IGSF11: variants seen among roughly 807,000 people sequenced by gnomAD.
IGSF11 encodes the protein immunoglobulin superfamily member 11.
IGSF11 carries 22 observed loss-of-function variants against 41.0 expected under a neutral mutation model. The observed-to-expected ratio is 0.54, with a 90% CI of 0.38 to 0.77. IGSF11 has a LOEUF of 0.77. IGSF11 is among the 30% of genes least tolerant of loss of function. The pLI, the probability that IGSF11 is intolerant of heterozygous loss-of-function variation, is 0.00. For missense variants in IGSF11, 444 were observed against 530.8 expected (o/e 0.84, Z 1.61); for synonymous variants, 219 against 201.3 (o/e 1.09, Z -0.74).
chr3:119,140,966 C>T, intron 1 of IGSF11, among the ~76,000 whole-genome samples: 1 of 149,758 alleles, frequency 6.7e-6, no homozygotes, highest in East Asian at 2.0e-4. Context: ...ATTGCTTGAC[C>T]CAGGAGGCAG....
intron 1 of IGSF11, among the ~76,000 whole-genome samples, chr3:118,978,426 C>G (rs1288155528): frequency 6.6e-6 from 1 of 152,190 alleles, no homozygotes; most frequent in East Asian, 1.9e-4. Flanking sequence ...CTTCCACCCA[C>G]ACAGCCCACC....
At chr3:119,081,841 T>C (rs2076592078) in intron 1 of IGSF11, among the ~76,000 whole-genome samples, 1 of 152,142 alleles carries the variant, frequency 6.6e-6, no homozygotes, top group African/African-American at 2.4e-5. Context: ...ATTTATGAAA[T>C]ATATTTAGGG....
intron 1 of IGSF11, among the ~76,000 whole-genome samples, chr3:118,941,674 C>G (rs1016924169): frequency 3.3e-5 from 5 of 152,078 alleles, no homozygotes; most frequent in Non-Finnish European, 7.4e-5. Flanking sequence ...TGCAAATGTT[C>G]ACTGCATCTT....
chr3:118,913,576 G>A lies in IGSF11; in HGVS notation c.581-7858C>T, dbSNP rs139675839. Reference sequence around the variant, plus strand: ...CACTAAACTGCATTAAAGAGTGTAGGGAAAAAAGATATTTTCAGAAAAACA... The same window carrying A: ...CACTAAACTGCATTAAAGAGTGTAGAGAAAAAAGATATTTTCAGAAAAACA... On this transcript the variant is annotated intron_variant, in intron 4 of 6. Transcript: ENST00000393775. Among the ~76,000 whole-genome samples the A allele has an allele frequency of 1.3e-4, 20 of 152,070 alleles. No homozygotes were observed. In the East Asian group the frequency reaches 3.9e-3, roughly 29 times the overall value.
chr3:118,974,566 G>A (rs1186355329), intron 1 of IGSF11, among the ~76,000 whole-genome samples: 1 of 152,208 alleles, frequency 6.6e-6, no homozygotes, highest in Non-Finnish European at 1.5e-5. Flanking sequence ...GAATCCTACA[G>A]TGGTTTAGCA....
At chr3:119,034,497 GC>G in intron 1 of IGSF11, 33 bp downstream of exon 1, 1 of 1,529,970 alleles carries the variant, frequency 6.5e-7, no homozygotes, top group Non-Finnish European at 8.8e-7. Flanking sequence ...ACCCGGCCTG[GC>G]CCCACCGGGA....
intron 1 of IGSF11, among the ~76,000 whole-genome samples, chr3:119,044,001 G>C (rs774805322): frequency 5.3e-5 from 8 of 152,036 alleles, no homozygotes; most frequent in African/African-American, 1.9e-4. Flanking sequence ...ACAAAACAAG[G>C]TTCTATTAAC....
intron 1 of IGSF11, among the ~76,000 whole-genome samples, chr3:119,050,962 C>G (rs2107434311): frequency 7.6e-6 from 1 of 132,168 alleles, no homozygotes; most frequent in East Asian, 2.2e-4. Context: ...CACATGGACA[C>G]AGGAAGGGGA....
At chr3:118,903,540 G>C (rs1939183583) in intron 6 of IGSF11, among the ~76,000 whole-genome samples, 1 of 152,154 alleles carries the variant, frequency 6.6e-6, no homozygotes, top group South Asian at 2.1e-4. Flanking sequence ...TTTGGAGTTT[G>C]AGAAATCACT....
intron 1 of IGSF11, among the ~76,000 whole-genome samples, chr3:119,083,101 T>TTTTTTC (rs1416153062): frequency 7.8e-4 from 117 of 150,398 alleles, no homozygotes; most frequent in African/African-American, 2.7e-3. Flanking sequence ...CTAATTCCTT[T>TTTTTTC]TTTTTCTTTT....
chr3:118,930,066 G>A, intron 2 of IGSF11, 46 bp downstream of exon 2: 1 of 1,562,530 alleles, frequency 6.4e-7, no homozygotes, highest in South Asian at 1.2e-5. Context: ...AACCTCCTCT[G>A]AAAAGATTAA....
rs1212395632 is a variant in IGSF11, at chr3:119,001,472, T to C, written c.52+33059A>G. ...TTTTTCTGGCCCCAGGTTTTCTTTT[T>C]TTTTTTTTTTTATTATACTTTAAGT... On this transcript the variant is annotated intron_variant, in intron 1 of 6. Coordinates refer to ENST00000393775, the MANE Select transcript of IGSF11 (RefSeq NM_001015887.3). Among the ~76,000 whole-genome samples the C allele has an allele frequency of 6.0e-5, 9 of 150,162 alleles. No individual in the cohort carries two copies. The East Asian group carries it at 1.7e-3, about 29-fold the overall frequency.
chr3:119,008,514 C>CAAGGAGGAGGAAGTTTT (rs2107688959), intron 1 of IGSF11, among the ~76,000 whole-genome samples: 1 of 152,176 alleles, frequency 6.6e-6, no homozygotes, highest in East Asian at 1.9e-4. Flanking sequence ...ATCAGGGAAA[C>CAAGGAGGAGGAAGTTTT]AAGGAGGAGG....
At chr3:119,130,988 G>C (rs2077473889) in intron 1 of IGSF11, among the ~76,000 whole-genome samples, 1 of 151,968 alleles carries the variant, frequency 6.6e-6, no homozygotes, top group Admixed American at 6.6e-5. Flanking sequence ...AAAACAAAGA[G>C]AAAGGAATAG....
intron 1 of IGSF11, among the ~76,000 whole-genome samples, chr3:119,059,261 A>C (rs539784655): frequency 6.6e-6 from 1 of 152,280 alleles, no homozygotes; most frequent in Non-Finnish European, 1.5e-5. Flanking sequence ...TGGCATTCAC[A>C]GTAACCTGGA....
chr3:118,974,125 AAAAAG>A (rs1933787271), intron 1 of IGSF11, among the ~76,000 whole-genome samples: 1 of 152,174 alleles, frequency 6.6e-6, no homozygotes, highest in African/African-American at 2.4e-5. Flanking sequence ...AATTAAAAAA[AAAAAG>A]AAAAGAAAAT....
intron 1 of IGSF11, among the ~76,000 whole-genome samples, chr3:119,093,903 A>G (rs2076804944): frequency 6.6e-6 from 1 of 152,152 alleles, no homozygotes; most frequent in Admixed American, 6.5e-5. Flanking sequence ...AATATCCAAG[A>G]GTATTTACAC....
At chr3:119,056,311 A>T (rs1053882211) in intron 1 of IGSF11, among the ~76,000 whole-genome samples, 32 of 152,226 alleles carry the variant, frequency 2.1e-4, no homozygotes, top group Non-Finnish European at 4.0e-4. Context: ...TTACACAGAA[A>T]TATAAACTAC....
intron 1 of IGSF11, among the ~76,000 whole-genome samples, chr3:119,138,046 A>G (rs920404981): frequency 6.6e-6 from 1 of 152,190 alleles, no homozygotes; most frequent in African/African-American, 2.4e-5. Context: ...TTTATCCAAA[A>G]GACAGGCAAC....
Sources: gnomAD v4.1 joint callset for allele counts (sites outside exome capture counted in the v4.1 genomes callset) on GRCh38, gnomAD v4.1.1 for gene constraint, MANE v1.5 for transcripts, NCBI Gene and HGNC (gene_info 2026-07-23, HGNC 2026-07-21) for gene names.